The following KHDRBS3 variants were observed in gnomAD, a reference collection of about 807,000 sequenced individuals.
The protein encoded by KHDRBS3 is KH RNA binding domain containing, signal transduction associated 3.
Under a neutral mutation model 45.6 loss-of-function variants are expected in KHDRBS3, and 23 were observed. The ratio of observed to expected loss-of-function variants is 0.50; its 90% confidence interval spans 0.36 to 0.72. The LOEUF (loss-of-function observed/expected upper bound fraction) is 0.72, where lower values mean the gene tolerates loss of function less well. Ranked by LOEUF, KHDRBS3 falls within the 30% of genes least tolerant of loss-of-function variation. The pLI is 0.00. For missense variants in KHDRBS3, 352 were observed against 424.8 expected, an observed-to-expected ratio of 0.83 and a Z score of 1.51; for synonymous variants, 162 against 156.5, an observed-to-expected ratio of 1.04 and a Z score of -0.26.
At chr8:135,560,104 T>C (rs1048561388) in intron 5 of KHDRBS3, among the ~76,000 whole-genome samples, 19 of 152,194 alleles carry the variant, frequency 1.2e-4, no homozygotes, top group African/African-American at 4.3e-4. Context: ...CACATGACAT[T>C]TATATGTCAG....
intron 7 of KHDRBS3, among the ~76,000 whole-genome samples, chr8:135,612,613 A>AT (rs1829749626): frequency 6.6e-6 from 1 of 151,858 alleles, no homozygotes; most frequent in African/African-American, 2.4e-5. Flanking sequence ...AGTTCTCTCA[A>AT]TTCAGAATTT....
rs190259875 is a variant in KHDRBS3, at chr8:135,531,891, C to T, written c.207+10536C>T. On this transcript the variant is annotated intron_variant, in intron 2 of 8. Transcript: ENST00000355849. ...CTTGGGCATGGAATTGTATATATCT[C>T]GAAGAGAATCCTGAAATATTTGTGA... Among the ~76,000 whole-genome samples the T allele has an allele frequency of 5.3e-5, 8 of 152,080 alleles. No individual in the cohort carries two copies. The East Asian group carries it at 9.7e-4, about 18-fold the overall frequency.
At chr8:135,469,510 TTTTTTTGTTTTGG>T (rs1265535636) in intron 1 of KHDRBS3, among the ~76,000 whole-genome samples, 13 of 22,450 alleles carry the variant, frequency 5.8e-4, no homozygotes, top group Admixed American at 5.0e-3. Flanking sequence ...GATGGTGTTT[TTTTTTTGTTTTGG>T]TTTTTTTTTT....
chr8:135,458,948 T>A, intron 1 of KHDRBS3: 1 of 456,282 alleles, frequency 2.2e-6, no homozygotes, highest in Non-Finnish European at 4.4e-6. Context: ...AGTCTCCTAC[T>A]TTTCCTGGAA....
At chr8:135,501,051 C>T (rs1166392202) in intron 1 of KHDRBS3, among the ~76,000 whole-genome samples, 1 of 152,084 alleles carries the variant, frequency 6.6e-6, no homozygotes, top group African/African-American at 2.4e-5. Flanking sequence ...TGTTTCCTTC[C>T]TTTGAAGATT....
intron 1 of KHDRBS3, among the ~76,000 whole-genome samples, chr8:135,487,819 A>G (rs1822940869): frequency 6.6e-6 from 1 of 152,202 alleles, no homozygotes; most frequent in Non-Finnish European, 1.5e-5. Context: ...GACTAATTCC[A>G]CCTGGGTATC....
At chr8:135,602,223 C>CA (rs772535665) in intron 6 of KHDRBS3, among the ~76,000 whole-genome samples, 54 of 152,314 alleles carry the variant, frequency 3.5e-4, no homozygotes, top group Non-Finnish European at 7.1e-4. Flanking sequence ...GATTTGCAGT[C>CA]ACACTCAGCT....
intron 7 of KHDRBS3, among the ~76,000 whole-genome samples, chr8:135,609,551 T>A (rs62525214): frequency 0.096 from 14,658 of 151,992 alleles, 1,021 homozygotes; most frequent in Non-Finnish European, 0.14. Flanking sequence ...CACCTTGGCC[T>A]CCAAAAGAGC....
intron 6 of KHDRBS3, among the ~76,000 whole-genome samples, chr8:135,583,629 AT>A (rs1197465457): frequency 1.3e-5 from 2 of 152,310 alleles, no homozygotes; most frequent in East Asian, 3.9e-4. Flanking sequence ...TTTACCATAA[AT>A]TTTAATATCG....
chr8:135,462,359 T>C (rs1821474007), intron 1 of KHDRBS3, among the ~76,000 whole-genome samples: 1 of 152,078 alleles, frequency 6.6e-6, no homozygotes, highest in Non-Finnish European at 1.5e-5. Context: ...GTTTTGGTAT[T>C]GGACATTAGT....
At chr8:135,572,248 A>G (rs1190890610) in intron 5 of KHDRBS3, among the ~76,000 whole-genome samples, 1 of 152,216 alleles carries the variant, frequency 6.6e-6, no homozygotes, top group African/African-American at 2.4e-5. Flanking sequence ...CAGGCTTCAA[A>G]ATAAATAAGG....
intron 7 of KHDRBS3, among the ~76,000 whole-genome samples, chr8:135,631,414 CT>C (rs1443426865): frequency 6.6e-6 from 1 of 151,874 alleles, no homozygotes; most frequent in Non-Finnish European, 1.5e-5. Context: ...AAAATGTGTC[CT>C]TATTTCATAA....
At chr8:135,491,229 C>A (rs574243650) in intron 1 of KHDRBS3, among the ~76,000 whole-genome samples, 1 of 152,104 alleles carries the variant, frequency 6.6e-6, no homozygotes, top group African/African-American at 2.4e-5. Flanking sequence ...TCTCTTTCAC[C>A]TTTCTTGAGA....
At chr8:135,478,704 A>G in intron 1 of KHDRBS3, among the ~76,000 whole-genome samples, 1 of 152,240 alleles carries the variant, frequency 6.6e-6, no homozygotes, top group East Asian at 1.9e-4. Flanking sequence ...ATATGTGGAA[A>G]TTAACAAACT....
At chr8:135,616,036 A>G (rs182226015) in intron 7 of KHDRBS3, among the ~76,000 whole-genome samples, 2 of 152,230 alleles carry the variant, frequency 1.3e-5, no homozygotes, top group Non-Finnish European at 2.9e-5. Context: ...AAAAAGGAAA[A>G]TGTTTTTCAA....
chr8:135,569,850 T>TC (rs1827616637), intron 5 of KHDRBS3, among the ~76,000 whole-genome samples: 2 of 152,000 alleles, frequency 1.3e-5, no homozygotes, highest in South Asian at 2.1e-4. Context: ...TGTTTCCTGT[T>TC]CCCCCTTACC....
intron 2 of KHDRBS3, among the ~76,000 whole-genome samples, chr8:135,538,000 A>C (rs558756822): frequency 3.9e-5 from 6 of 152,210 alleles, no homozygotes; most frequent in African/African-American, 1.4e-4. Flanking sequence ...CAATAGGGAG[A>C]GGGGATATTA....
chr8:135,548,378 G>A (rs1321573927), intron 3 of KHDRBS3, among the ~76,000 whole-genome samples: 2 of 152,200 alleles, frequency 1.3e-5, no homozygotes, highest in Non-Finnish European at 2.9e-5. Flanking sequence ...AAGTGAGCAC[G>A]TGAGCTCAGC....
At chr8:135,519,966 G>A (rs982982665) in intron 1 of KHDRBS3, among the ~76,000 whole-genome samples, 8 of 152,110 alleles carry the variant, frequency 5.3e-5, no homozygotes, top group African/African-American at 1.9e-4. Context: ...TTTCTTACTT[G>A]TTTTTCTGAT....
Sources: gnomAD v4.1 joint callset for allele counts (sites outside exome capture counted in the v4.1 genomes callset) on GRCh38, gnomAD v4.1.1 for gene constraint, MANE v1.5 for transcripts, NCBI Gene and HGNC (gene_info 2026-07-23, HGNC 2026-07-21) for gene names.